Variants in CTBP2 observed in about 807,000 individuals in gnomAD.
CTBP2 encodes the protein C-terminal binding protein 2.
In CTBP2, 30 loss-of-function variants were observed where a neutral mutation model predicts 80.3. The observed-to-expected ratio is 0.37, with a 90% confidence interval of 0.28 to 0.51. CTBP2 has a LOEUF of 0.51. Among genes scored for constraint, CTBP2 ranks in the 20% least tolerant of loss-of-function variants. The pLI is 0.93. For synonymous variants in CTBP2, 594 were observed against 587.4 expected, an observed-to-expected ratio of 1.01 and a Z score of -0.16; for missense variants, 1,212 against 1,375.3, an observed-to-expected ratio of 0.88 and a Z score of 1.88.
At chr10:125,056,180 AAT>A (rs1409530608) in intron 2 of CTBP2, among the ~76,000 whole-genome samples, 3 of 145,784 alleles carry the variant, frequency 2.1e-5, no homozygotes, top group African/African-American at 8.1e-5. Context: ...TAAAAATAAT[AAT>A]AATAATAATA....
intron 1 of CTBP2, among the ~76,000 whole-genome samples, chr10:125,133,265 A>G (rs1449766636): frequency 6.6e-6 from 1 of 152,230 alleles, no homozygotes; most frequent in African/African-American, 2.4e-5. Flanking sequence ...TATGACCTTC[A>G]GCATCAAGCA....
At chr10:125,096,666 C>T (rs890059167) in intron 2 of CTBP2, among the ~76,000 whole-genome samples, 7 of 151,086 alleles carry the variant, frequency 4.6e-5, no homozygotes, top group African/African-American at 1.7e-4. Flanking sequence ...CTAAGATTAT[C>T]ATATACATTA....
chr10:125,050,317 C>T (rs7899194), intron 2 of CTBP2, among the ~76,000 whole-genome samples: 69 of 152,346 alleles, frequency 4.5e-4, no homozygotes, highest in African/African-American at 1.4e-3. Flanking sequence ...GATTCAAAGA[C>T]ACCGCTTCCC....
At chr10:125,028,785 G>C (rs1957905216), upstream of CTBP2, among the ~76,000 whole-genome samples, 1 of 152,210 alleles carries the variant, frequency 6.6e-6, no homozygotes, top group Non-Finnish European at 1.5e-5. Flanking sequence ...TCTTCCTTTA[G>C]GTATGTCAGG....
intron 1 of CTBP2, among the ~76,000 whole-genome samples, chr10:125,118,023 A>G (rs1471447216): frequency 6.6e-6 from 1 of 152,240 alleles, no homozygotes; most frequent in Non-Finnish European, 1.5e-5. Flanking sequence ...TGGTTTTAAG[A>G]ATGTAAAAAG....
chr10:125,092,171 A>T (rs1177159124), intron 2 of CTBP2, among the ~76,000 whole-genome samples: 1 of 137,682 alleles, frequency 7.3e-6, no homozygotes, highest in Non-Finnish European at 1.5e-5. Flanking sequence ...CCTTGTCTGA[A>T]GATTCTTTTT....
intron 1 of CTBP2, among the ~76,000 whole-genome samples, chr10:125,021,181 G>A (rs1165301622): frequency 6.6e-6 from 1 of 152,110 alleles, no homozygotes; most frequent in Non-Finnish European, 1.5e-5. Context: ...GGTCAACCAC[G>A]ACAAGAAAAG....
chr10:125,061,224 G>T (rs926377868), intron 2 of CTBP2, among the ~76,000 whole-genome samples: 1 of 152,196 alleles, frequency 6.6e-6, no homozygotes. Context: ...TCTTATTTTC[G>T]TCTGCAAGGA....
At chr10:125,065,810 C>T (rs1844530034) in intron 2 of CTBP2, among the ~76,000 whole-genome samples, 1 of 152,152 alleles carries the variant, frequency 6.6e-6, no homozygotes. Context: ...CAGAAAAATG[C>T]CATCATCGGC....
Position 125,027,089 on chromosome 10 carries a change from G to T in CTBP2, c.671C>A (p.Ala224Asp). ...CAGGCACGTCGGGGCCACCTGTCTG[G>T]CAGGGGCAGGGTCAATGGGTCTTTC... is the stretch of plus-strand genomic sequence containing the variant. Residue 224 changes from alanine (A) to aspartate (D), a missense_variant, in exon 1 of 9, where the codon GCC (alanine) becomes GAC (aspartate). Ala to Asp is a moderately radical substitution (Grantham distance 126, BLOSUM62 -2). This residue lies in a region of CTBP2 where 848 missense variants were observed against 782.3 expected (regional missense o/e 1.08). Transcript: ENST00000309035. 1 of 1,611,226 alleles carries T rather than the reference G, an allele frequency of 6.2e-7. No individual in the cohort carries two copies. The highest frequency in any genetic ancestry group is 8.5e-7 in the Non-Finnish European group (1 of 1,178,148).
intron 3 of CTBP2, among the ~76,000 whole-genome samples, chr10:125,034,210 T>C (rs558764801): frequency 6.6e-6 from 1 of 152,314 alleles, no homozygotes; most frequent in African/African-American, 2.4e-5. Context: ...GAGGGCAGTC[T>C]ATGAACCCCA....
In CTBP2 at chr10:125,039,541, A is replaced by G. The variant is rs199623421; in HGVS notation, c.-101-386T>C. Among the ~76,000 whole-genome samples, 34 of 152,320 alleles carry G rather than the reference A, an allele frequency of 2.2e-4. No individual in the cohort carries two copies. The East Asian group carries it at 6.4e-3, about 29-fold the overall frequency. On this transcript the variant is annotated intron_variant, in intron 2 of 10. Coordinates refer to the CTBP2 transcript ENST00000337195. ...TTGGACCTGCCCCAAACGCACTCAC[A>G]CTGAGATGCAGACGCACACCGTGGC...
intron 2 of CTBP2, among the ~76,000 whole-genome samples, chr10:125,053,011 A>C (rs150376448): frequency 2.6e-5 from 4 of 152,374 alleles, no homozygotes; most frequent in Non-Finnish European, 5.9e-5. Context: ...ATCACGCAGC[A>C]TGCAGCCGCT....
intron 2 of CTBP2, among the ~76,000 whole-genome samples, chr10:125,110,733 T>TAGC (rs889980718): frequency 1.5e-4 from 23 of 152,342 alleles, no homozygotes; most frequent in African/African-American, 4.6e-4. Context: ...CTTATCTCTA[T>TAGC]AGCAGCAGCA....
chr10:125,115,457 C>T (rs1008295825), intron 1 of CTBP2, among the ~76,000 whole-genome samples: 3 of 152,126 alleles, frequency 2.0e-5, no homozygotes, highest in African/African-American at 2.4e-5. Flanking sequence ...TCCCAAGTTC[C>T]GCAGGCCAGC....
rs190704176 is a variant in CTBP2, at chr10:125,011,450, G to A, written c.1679-7958C>T. Among the ~76,000 whole-genome samples, 4 of 152,356 alleles carry A rather than the reference G, an allele frequency of 2.6e-5. No homozygotes were observed. The East Asian group carries it at 5.8e-4, about 22-fold the overall frequency. The stretch of plus-strand genomic sequence containing the variant: ...GTCTTTATCCAGCCAGTCAGGTGCA[G>A]TCTGATGCTCCCCAGAGCCTGGGCC... On this transcript the variant is annotated intron_variant, in intron 1 of 8. Coordinates refer to ENST00000309035, the MANE Select transcript of CTBP2 (RefSeq NM_022802.3).
chr10:125,074,023 C>T (rs1255492253), intron 2 of CTBP2, among the ~76,000 whole-genome samples: 2 of 152,200 alleles, frequency 1.3e-5, no homozygotes, highest in Non-Finnish European at 2.9e-5. Flanking sequence ...ATCTCTCCCC[C>T]TCAGCACTGT....
At chr10:124,998,366 C>A in intron 3 of CTBP2, 196 bp from the exon 6 acceptor site, 1 of 618,154 alleles carries the variant, frequency 1.6e-6, no homozygotes, top group East Asian at 2.8e-5. Flanking sequence ...CTAGCCCCAA[C>A]ATCTACCCCT....
At chr10:125,004,098 G>C (rs1057002026) in intron 1 of CTBP2, among the ~76,000 whole-genome samples, 2 of 152,330 alleles carry the variant, frequency 1.3e-5, no homozygotes, top group South Asian at 4.1e-4. Flanking sequence ...TATTAATCCT[G>C]ACAGATTTCC....
Sources: allele counts gnomAD v4.1 joint callset (sites outside exome capture counted in the v4.1 genomes callset), GRCh38; gene constraint gnomAD v4.1.1; regional missense constraint gnomAD v4.1.1; transcripts MANE v1.5; gene names NCBI Gene and HGNC (gene_info 2026-07-23, HGNC 2026-07-21).